QRSL1: variants seen among roughly 807,000 people sequenced by gnomAD.
The protein encoded by QRSL1 is glutamyl-tRNA(Gln) amidotransferase subunit A, mitochondrial.
QRSL1 carries 54 observed loss-of-function variants against 61.6 expected under a neutral mutation model. The ratio of observed to expected loss-of-function variants is 0.88; its 90% CI spans 0.70 to 1.10. The LOEUF is 1.10. QRSL1 is among the 50% of genes least tolerant of loss of function. The probability of loss-of-function intolerance (pLI) is 0.00; values close to 1 mark genes in which losing one functional copy is unlikely to be tolerated. For missense variants in QRSL1, 505 were observed against 622.6 expected (o/e 0.81, Z 2.01); for synonymous variants, 228 against 225.7 (o/e 1.01, Z -0.09).
intron 3 of QRSL1, chr6:106,642,412 G>C: frequency 1.9e-6 from 1 of 526,038 alleles, no homozygotes; most frequent in Admixed American, 2.5e-5. Context: ...CTATAAAAAG[G>C]TAACTGGCCT....
At chr6:106,651,769 A>T (rs1195100514) in intron 5 of QRSL1, among the ~76,000 whole-genome samples, 1 of 152,224 alleles carries the variant, frequency 6.6e-6, no homozygotes, top group Admixed American at 6.5e-5. Context: ...TTTGTTTTCA[A>T]TATCAACATC....
At chr6:106,664,761 G>T (rs57770734) in intron 10 of QRSL1, among the ~76,000 whole-genome samples, 64 of 152,244 alleles carry the variant, frequency 4.2e-4, no homozygotes, top group African/African-American at 1.4e-3. Flanking sequence ...TGATCACTTC[G>T]CTAAGGAAGT....
chr6:106,635,787 C>T (rs922615931), intron 1 of QRSL1, among the ~76,000 whole-genome samples: 10 of 151,826 alleles, frequency 6.6e-5, no homozygotes, highest in African/African-American at 1.9e-4. Flanking sequence ...AGGAGAATCG[C>T]TTGAACCCGG....
At chr6:106,643,477 C>T (rs1349156160) in intron 4 of QRSL1, among the ~76,000 whole-genome samples, 4 of 152,116 alleles carry the variant, frequency 2.6e-5, no homozygotes, top group Admixed American at 2.0e-4. Context: ...GTAGGGAGTT[C>T]GAGGCCAACC....
intron 4 of QRSL1, among the ~76,000 whole-genome samples, chr6:106,644,962 T>G (rs1350716080): frequency 6.6e-6 from 1 of 152,244 alleles, no homozygotes; most frequent in Non-Finnish European, 1.5e-5. Flanking sequence ...AACATATGGA[T>G]GTCCATTAAC....
intron 5 of QRSL1, among the ~76,000 whole-genome samples, chr6:106,651,779 CAGA>C (rs1246850710): frequency 6.6e-6 from 1 of 152,020 alleles, no homozygotes; most frequent in African/African-American, 2.4e-5. Context: ...ATATCAACAT[CAGA>C]AGAAAGTGCA....
At chr6:106,665,703 T>A in intron 10 of QRSL1, 79 bp from the exon 11 acceptor site, 4 of 1,196,038 alleles carry the variant, frequency 3.3e-6, no homozygotes. Context: ...ATTGTACTTA[T>A]TAGCACTGGA....
chr6:106,663,187 T>A lies in QRSL1; in HGVS notation c.1366+2T>A. On this transcript the variant is annotated splice_donor_variant, in intron 10 of 10. Transcript: ENST00000369046. LOFTEE classifies it high-confidence loss of function. ...TTACACAAGCTGTAAATATGGCAGG[T>A]GAGGATTCCTCAGGAACATTCTGAT... 6.2e-7 allele frequency: 1 copy of A among 1,605,078 alleles called. No homozygotes were observed. The highest frequency in any genetic ancestry group is 8.5e-7 in the Non-Finnish European group (1 of 1,175,966).
At chr6:106,645,580 G>A (rs1159036087) in intron 4 of QRSL1, among the ~76,000 whole-genome samples, 2 of 151,830 alleles carry the variant, frequency 1.3e-5, no homozygotes, top group African/African-American at 2.4e-5. Flanking sequence ...ATGCCACCAC[G>A]CCCGGCTAAT....
chr6:106,629,991 G>A (rs1340247450), intron 1 of QRSL1, among the ~76,000 whole-genome samples: 1 of 151,056 alleles, frequency 6.6e-6, no homozygotes, highest in Non-Finnish European at 1.5e-5. Context: ...GGATGGTCTC[G>A]GAGTGGGCTT....
At chr6:106,643,164 A>G in intron 4 of QRSL1, 74 bp downstream of exon 4, 1 of 1,029,648 alleles carries the variant, frequency 9.7e-7, no homozygotes, top group Non-Finnish European at 1.5e-6. Context: ...AGTTACCTAA[A>G]AGGATTGAGG....
intron 3 of QRSL1, among the ~76,000 whole-genome samples, chr6:106,642,265 AG>A (rs1777032401): frequency 6.6e-6 from 1 of 152,202 alleles, no homozygotes; most frequent in Admixed American, 6.5e-5. Context: ...CACATTGGCC[AG>A]GCTGGTCTCG....
In QRSL1 at chr6:106,640,604, A is replaced by C. The variant is rs533073118; in HGVS notation, c.184+96A>C. On this transcript the variant is annotated intron_variant, in intron 2 of 10. Transcript: ENST00000369046. ...TTGGCAAGTGAAGCTTTAAACATAA[A>C]CCATAGCCTTATTTAAAGAACTTGC... is the stretch of plus-strand genomic sequence containing the variant. 1.0e-5 allele frequency: 12 copies of C among 1,182,196 alleles called. No homozygotes were observed. The South Asian group carries it at 2.0e-4, about 19-fold the overall frequency. The allele number at this position is 1,182,196 out of a possible 1,614,324, so 73.2% of individuals were successfully genotyped here. A position where few individuals can be genotyped will look rare whatever the true frequency, so the allele number is the denominator to read the frequency against.
At chr6:106,654,518 A>G (rs3761800) in intron 7 of QRSL1, among the ~76,000 whole-genome samples, 4,935 of 152,288 alleles carry the variant, frequency 0.032, 274 homozygotes, top group East Asian at 0.19. Flanking sequence ...TCCAGATCAT[A>G]ATATCTAGTA....
Position 106,647,443 on chromosome 6 carries a change from G to C in QRSL1, c.381-1582G>C, listed in dbSNP as rs747121976. ...TGGATGCCTGTAGTCCCAGCTACTC[G>C]AGAGGCATGAGAATCGCTTGAACCT... On this transcript the variant is annotated intron_variant, in intron 4 of 10. Transcript: ENST00000369046. 2.0e-5 allele frequency among the ~76,000 whole-genome samples: 3 copies of C among 150,668 alleles called. No homozygotes were observed. The East Asian group carries it at 6.0e-4, about 30-fold the overall frequency.
At chr6:106,662,155 T>G (rs900727251) in intron 9 of QRSL1, among the ~76,000 whole-genome samples, 9 of 152,226 alleles carry the variant, frequency 5.9e-5, no homozygotes, top group Non-Finnish European at 4.4e-5. Context: ...TTCTTGAATT[T>G]CACATTTCTA....
intron 1 of QRSL1, among the ~76,000 whole-genome samples, chr6:106,636,384 A>G (rs929016032): frequency 1.4e-4 from 21 of 150,592 alleles, no homozygotes; most frequent in Admixed American, 2.0e-4. Context: ...ACAGTGGCAC[A>G]ATTTTGGCTC....
At chr6:106,652,871 C>A in intron 7 of QRSL1, 1 of 1,007,900 alleles carries the variant, frequency 9.9e-7, no homozygotes. Flanking sequence ...TTTTGTGGAC[C>A]ATGCAGTCTT....
In QRSL1 at chr6:106,654,853, G is replaced by A. The variant is rs1371856262; in HGVS notation, c.973G>A (p.Val325Ile). 4 of 1,613,818 alleles carry A rather than the reference G, an allele frequency of 2.5e-6. No individual in the cohort carries two copies. The East Asian group carries it at 6.7e-5, about 27-fold the overall frequency. Reference sequence around the variant, plus strand: ...CCTTCCTCACACCAGTTATTCAATTGTCTGCTACCATGTATTGTGCACATC... The same window carrying A: ...CCTTCCTCACACCAGTTATTCAATTATCTGCTACCATGTATTGTGCACATC... ...VSLPHTSYSI[V>I]CYHVLCTSEV... Residue 325 changes from valine (V) to isoleucine (I), a missense_variant, in exon 8 of 11, where the codon GTC (valine) becomes ATC (isoleucine). By Grantham distance (29) the Val-to-Ile change is conservative. Transcript: ENST00000369046.
Sources: allele counts gnomAD v4.1 joint callset (sites outside exome capture counted in the v4.1 genomes callset), GRCh38; gene constraint gnomAD v4.1.1; transcripts MANE v1.5; gene names NCBI Gene and HGNC (gene_info 2026-07-23, HGNC 2026-07-21).